The following POLR3H variants were observed in gnomAD, a reference collection of about 807,000 sequenced individuals.
POLR3H encodes the protein DNA-directed RNA polymerase III subunit RPC8.
In POLR3H, 17 loss-of-function variants were observed where a neutral mutation model predicts 25.5. That is an observed-to-expected ratio of 0.67 (90% CI 0.46 to 1.00). The LOEUF is 1.00. Ranked by LOEUF, POLR3H falls within the 50% of genes least tolerant of loss-of-function variation. POLR3H has a pLI of 0.00. For missense variants in POLR3H, 274 were observed against 265.0 expected (o/e 1.03, Z -0.24); for synonymous variants, 129 against 103.0 (o/e 1.25, Z -1.53).
intron 2 of POLR3H, 122 bp from the exon 3 acceptor site, chr22:41,532,867 G>A (rs928769569): frequency 2.9e-6 from 3 of 1,025,846 alleles, no homozygotes; most frequent in African/African-American, 3.2e-5. Flanking sequence ...CCCCCTGCAA[G>A]CCTAGACCCT....
chr22:41,540,829 C>T (rs772550402), intron 1 of POLR3H, 34 bp from the exon 2 acceptor site: 1 of 1,536,616 alleles, frequency 6.5e-7, no homozygotes, highest in Non-Finnish European at 9.0e-7. Context: ...CACAAGTACA[C>T]ATGGATACAG....
intron 1 of POLR3H, among the ~76,000 whole-genome samples, chr22:41,542,329 C>T (rs1046564498): frequency 4.6e-5 from 7 of 152,118 alleles, no homozygotes; most frequent in African/African-American, 1.7e-4. Flanking sequence ...GGTGATCCAC[C>T]CGCCTCAGCC....
At chr22:41,542,068 G>A (rs1477098869) in intron 1 of POLR3H, among the ~76,000 whole-genome samples, 2 of 149,540 alleles carry the variant, frequency 1.3e-5, no homozygotes, top group Non-Finnish European at 3.0e-5. Context: ...TCCACACCAT[G>A]GTGGGTATTT....
At chr22:41,543,845 T>G in intron 1 of POLR3H, 146 bp downstream of exon 1, 1 of 717,342 alleles carries the variant, frequency 1.4e-6, no homozygotes, top group Non-Finnish European at 2.6e-6. Context: ...CCCTTCAATA[T>G]CTCCTTTCAC....
intron 1 of POLR3H, among the ~76,000 whole-genome samples, chr22:41,541,485 C>T (rs1302228293): frequency 1.3e-5 from 2 of 152,188 alleles, no homozygotes; most frequent in South Asian, 2.1e-4. Flanking sequence ...TATCTGCCAC[C>T]GTGTCATCAC....
chr22:41,532,885 T>A, intron 2 of POLR3H, 140 bp from the exon 3 acceptor site: 1 of 877,622 alleles, frequency 1.1e-6, no homozygotes, highest in Non-Finnish European at 1.7e-6. Context: ...CCTCCCTTTG[T>A]CTCCTGCAAG....
chr22:41,530,566 C>CA, intron 5 of POLR3H, 121 bp downstream of exon 5: 2 of 943,982 alleles, frequency 2.1e-6, no homozygotes, highest in South Asian at 1.7e-5. Flanking sequence ...CAAGACCCCC[C>CA]AAACAGGATC....
In POLR3H at chr22:41,544,240, C is replaced by T. The variant is rs747676215; in HGVS notation, c.-139G>A. 1 of 601,680 alleles carries T rather than the reference C, an allele frequency of 1.7e-6. No homozygotes were observed. The highest frequency in any genetic ancestry group is 3.0e-6 in the Non-Finnish European group (1 of 335,094). The allele number at this position is 601,680 out of a possible 1,614,324, so 37.3% of individuals were successfully genotyped here. On this transcript the variant is annotated 5_prime_UTR_variant, in exon 1 of 6. Coordinates refer to ENST00000355209, the MANE Select transcript of POLR3H (RefSeq NM_001018050.4). ...TGGCGGTGAGGTTGCACGGGGCGGTCTCGGGGGCCCGGTCCGGGCCATGCT... is the reference window on the plus strand; with the variant it reads ...TGGCGGTGAGGTTGCACGGGGCGGTTTCGGGGGCCCGGTCCGGGCCATGCT...
intron 3 of POLR3H, among the ~76,000 whole-genome samples, chr22:41,532,436 A>G (rs2066755100): frequency 6.6e-6 from 1 of 152,202 alleles, no homozygotes. Context: ...CGCCAGCTTC[A>G]GTGCCCACCC....
At chr22:41,534,914 T>C (rs1367958281) in intron 2 of POLR3H, among the ~76,000 whole-genome samples, 1 of 142,290 alleles carries the variant, frequency 7.0e-6, no homozygotes, top group Non-Finnish European at 1.5e-5. Context: ...AAAAAAAAAA[T>C]TGTGGAATTA....
Position 41,534,616 on chromosome 22 carries a change from G to A in POLR3H, c.209-1871C>T, listed in dbSNP as rs1009195109. Among the ~76,000 whole-genome samples, 5 of 152,138 alleles carry A rather than the reference G, an allele frequency of 3.3e-5. No individual in the cohort carries two copies. The East Asian group carries it at 7.7e-4, about 23-fold the overall frequency. On this transcript the variant is annotated intron_variant, in intron 2 of 5. Coordinates refer to ENST00000355209, the MANE Select transcript of POLR3H (RefSeq NM_001018050.4). ...TAAAAACGCTGTGGAATGGCCCCGCGCACGGTGGCTCAAGTCTGTAATCCC... is the reference window on the plus strand; with the variant it reads ...TAAAAACGCTGTGGAATGGCCCCGCACACGGTGGCTCAAGTCTGTAATCCC...
chr22:41,528,398 G>A lies in POLR3H; in HGVS notation c.*885C>T, dbSNP rs1032265104. On this transcript the variant is annotated 3_prime_UTR_variant, in exon 6 of 6. Transcript: ENST00000355209. ...CTGACCTCTTAGGTCCCCAGGCAGT[G>A]CCCTGTCTCCCTGACCCCCCTGCGG... The A allele has an allele frequency of 3.6e-5, 56 of 1,557,354 alleles. No homozygotes were observed. Among genetic ancestry groups the A allele is most frequent in the Non-Finnish European group, 4.7e-5 (54 of 1,152,200 alleles).
chr22:41,544,362 G>A lies in POLR3H; in HGVS notation c.-261C>T, dbSNP rs2066985664. On this transcript the variant is annotated 5_prime_UTR_variant, in exon 1 of 6. Coordinates refer to ENST00000355209, the MANE Select transcript of POLR3H (RefSeq NM_001018050.4). ...GCGCCGCGAGACCCCGCCACGCCAC[G>A]CCACTCCACGCCACGCCACTCCACG... 5.7e-6 allele frequency: 2 copies of A among 348,932 alleles called. No individual in the cohort carries two copies. Among genetic ancestry groups the A allele is most frequent in the East Asian group, 1.0e-4 (2 of 19,132 alleles). The allele number at this position is 348,932 out of a possible 1,614,324, so 21.6% of individuals were successfully genotyped here.
chr22:41,543,499 T>C (rs917831123), intron 1 of POLR3H, among the ~76,000 whole-genome samples: 2 of 152,022 alleles, frequency 1.3e-5, no homozygotes, highest in Non-Finnish European at 2.9e-5. Context: ...GCGCCTGTAG[T>C]TGTCCCAGCT....
In POLR3H at chr22:41,529,003, G is replaced by C. The variant is rs1046892626; in HGVS notation, c.*280C>G. ...ACTGTTCTGTGAGTGATTGGTGTCT[G>C]TGCCGTTTGTTGTCAAGTCCAGGGT... is the stretch of plus-strand genomic sequence containing the variant. On this transcript the variant is annotated 3_prime_UTR_variant, in exon 6 of 6. Transcript: ENST00000355209. 2.0e-5 allele frequency: 11 copies of C among 537,836 alleles called. No homozygotes were observed. In the African/African-American group the frequency reaches 2.1e-4, roughly 10 times the overall value. 33.3% of individuals were successfully genotyped at this position (537,836 alleles called of 1,614,324 possible).
rs1474393042 is a variant in POLR3H at position 41,544,077 on chromosome 22, C to A, written c.25G>T (p.Asp9Tyr). 5 of 1,605,600 alleles carry A rather than the reference C, an allele frequency of 3.1e-6. No individual in the cohort carries two copies. The Admixed American group carries it at 8.4e-5, about 27-fold the overall frequency. The change falls in exon 1 of 6, where the codon GAC becomes TAC. Residue 9 changes from aspartate (D) to tyrosine (Y), a missense_variant. Physicochemically the swap from Asp to Tyr is radical, Grantham distance 160. Transcript: ENST00000355209. Reference sequence around the variant, plus strand: ...TGCCAAGGGGGGATCCGGACGGTGTCCACCATTTCCACCAGGACGAACATC... The same window carrying A: ...TGCCAAGGGGGGATCCGGACGGTGTACACCATTTCCACCAGGACGAACATC... MFVLVEMVDTVRIPPWQFE... is the reference protein window; with the variant it reads MFVLVEMVYTVRIPPWQFE...
In POLR3H at chr22:41,526,239, G is replaced by A; in HGVS notation, c.*3044C>T. The A allele has an allele frequency of 6.2e-7, 1 of 1,604,988 alleles. No individual in the cohort carries two copies. The highest frequency in any genetic ancestry group is 8.5e-7 in the Non-Finnish European group (1 of 1,174,856). ...CCTCCAGGGCCATGCCCTGACCTCT[G>A]TCCTCTCTACTTACCACCCAAGGTC... On this transcript the variant is annotated 3_prime_UTR_variant, in exon 6 of 6. Transcript: ENST00000355209.
At chr22:41,533,537 G>C (rs950851662) in intron 2 of POLR3H, 1 of 1,246,574 alleles carries the variant, frequency 8.0e-7, no homozygotes, top group Admixed American at 2.6e-5. Context: ...AGGGCCACCG[G>C]GTCGAATCTT....
chr22:41,525,918 C>T lies in POLR3H; in HGVS notation c.*3365G>A, dbSNP rs1458358627. On this transcript the variant is annotated 3_prime_UTR_variant, in exon 6 of 6. Transcript: ENST00000355209. ...AATCAGTCATCAGCCAGGACCCAGG[C>T]ATGTCCTGGGCTCCTGTGTCCAGCA... 8.0e-6 allele frequency: 2 copies of T among 249,174 alleles called. No homozygotes were observed. Among genetic ancestry groups the T allele is most frequent in the Non-Finnish European group, 1.5e-5 (2 of 129,790 alleles). The allele number at this position is 249,174 out of a possible 1,614,324, so 15.4% of individuals were successfully genotyped here.
Sources: gnomAD v4.1 joint callset for allele counts (sites outside exome capture counted in the v4.1 genomes callset) on GRCh38, gnomAD v4.1.1 for gene constraint, MANE v1.5 for transcripts, NCBI Gene and HGNC (gene_info 2026-07-23, HGNC 2026-07-21) for gene names.